The following IMMP2L variants were observed in gnomAD, a reference collection of about 807,000 sequenced individuals.
The protein encoded by IMMP2L is inner mitochondrial membrane peptidase subunit 2, also known as mitochondrial inner membrane protease subunit 2.
A neutral mutation model predicts 19.3 loss-of-function variants in IMMP2L; 18 were observed. The ratio of observed to expected loss-of-function variants is 0.93; its 90% confidence interval spans 0.64 to 1.38. The LOEUF is 1.38. IMMP2L is among the 40% of genes most tolerant of loss of function. The pLI, the probability that IMMP2L is intolerant of heterozygous loss-of-function variation, is 0.00. For synonymous variants in IMMP2L, 76 were observed against 73.0 expected (o/e 1.04, Z -0.21); for missense variants, 233 against 218.2 (o/e 1.07, Z -0.43).
At chr7:111,196,019 C>G (rs1809459179) in intron 3 of IMMP2L, among the ~76,000 whole-genome samples, 1 of 151,890 alleles carries the variant, frequency 6.6e-6, no homozygotes, top group Non-Finnish European at 1.5e-5. Context: ...GTGGGGTATG[C>G]CACCACATCC....
intron 5 of IMMP2L, among the ~76,000 whole-genome samples, chr7:110,684,611 A>G (rs1395105004): frequency 6.6e-6 from 1 of 151,892 alleles, no homozygotes; most frequent in Non-Finnish European, 1.5e-5. Context: ...ACACCTAGGG[A>G]TCATGTTAAA....
intron 3 of IMMP2L, among the ~76,000 whole-genome samples, chr7:111,261,233 C>T (rs986363750): frequency 6.6e-6 from 1 of 152,070 alleles, no homozygotes; most frequent in Non-Finnish European, 1.5e-5. Context: ...CATAGTTTAG[C>T]TCTCTGAGGT....
chr7:111,482,811 C>T (rs111409692), intron 3 of IMMP2L, among the ~76,000 whole-genome samples: 3,084 of 152,220 alleles, frequency 0.02, 106 homozygotes, highest in African/African-American at 0.07. Context: ...GTTAGTGCTT[C>T]TCTATTGAAA....
chr7:110,836,910 A>G (rs1804539285), intron 5 of IMMP2L, among the ~76,000 whole-genome samples: 1 of 152,174 alleles, frequency 6.6e-6, no homozygotes, highest in African/African-American at 2.4e-5. Context: ...TTCACTGCTG[A>G]TGGCCATGTG....
intron 3 of IMMP2L, among the ~76,000 whole-genome samples, chr7:111,353,866 A>G (rs948465944): frequency 6.6e-5 from 10 of 152,162 alleles, no homozygotes; most frequent in Admixed American, 3.9e-4. Flanking sequence ...AATAGAAAAC[A>G]CTGGTTTTAT....
intron 3 of IMMP2L, among the ~76,000 whole-genome samples, chr7:111,467,746 T>C (rs1398277511): frequency 2.0e-5 from 3 of 152,156 alleles, no homozygotes; most frequent in African/African-American, 7.2e-5. Context: ...TTCTTTCAAA[T>C]TAAGTAATTA....
At chr7:111,059,264 G>GTGA (rs1340169553) in intron 3 of IMMP2L, among the ~76,000 whole-genome samples, 3 of 152,172 alleles carry the variant, frequency 2.0e-5, no homozygotes, top group Admixed American at 1.3e-4. Context: ...TTACAGGCAT[G>GTGA]AGCCACCACG....
In IMMP2L at chr7:110,963,027, G is replaced by A. The variant is rs1238843791; in HGVS notation, c.305+473C>T. 2.0e-6 allele frequency: 3 copies of A among 1,520,466 alleles called. No individual in the cohort carries two copies. In the South Asian group the frequency reaches 3.7e-5, roughly 19 times the overall value. 94.2% of individuals were successfully genotyped at this position (1,520,466 alleles called of 1,614,324 possible). On this transcript the variant is annotated intron_variant, in intron 4 of 5. Transcript: ENST00000405709. ...GATTGTTACAATCTTATCATCTAAA[G>A]CTTTCATTCTTGTCACTGATTCGGA...
At chr7:110,929,290 T>C (rs1019715985) in intron 4 of IMMP2L, among the ~76,000 whole-genome samples, 1 of 152,160 alleles carries the variant, frequency 6.6e-6, no homozygotes, top group Non-Finnish European at 1.5e-5. Flanking sequence ...TTAATGCTCA[T>C]GAGAAGTTGC....
chr7:111,083,954 G>C (rs1796094562), intron 3 of IMMP2L, among the ~76,000 whole-genome samples: 1 of 152,108 alleles, frequency 6.6e-6, no homozygotes, highest in Admixed American at 6.6e-5. Flanking sequence ...TAAATTTGCT[G>C]TCAAGAAATA....
chr7:110,786,898 A>T (rs1443984522), intron 5 of IMMP2L, among the ~76,000 whole-genome samples: 1 of 152,052 alleles, frequency 6.6e-6, no homozygotes, highest in Non-Finnish European at 1.5e-5. Context: ...ACATAATGAA[A>T]AATAACACAG....
intron 5 of IMMP2L, among the ~76,000 whole-genome samples, chr7:110,690,965 A>G (rs1011848723): frequency 6.6e-6 from 1 of 152,162 alleles, no homozygotes; most frequent in African/African-American, 2.4e-5. Context: ...AATTAGAAAA[A>G]ACAGTCCCCA....
intron 3 of IMMP2L, among the ~76,000 whole-genome samples, chr7:111,266,284 T>C (rs1183861163): frequency 6.6e-6 from 1 of 152,148 alleles, no homozygotes. Flanking sequence ...GGCTCACACC[T>C]GTAATCCCAG....
At chr7:111,320,043 T>A (rs1177692957) in intron 3 of IMMP2L, among the ~76,000 whole-genome samples, 1 of 151,994 alleles carries the variant, frequency 6.6e-6, no homozygotes, top group Non-Finnish European at 1.5e-5. Flanking sequence ...CATCCCCACA[T>A]CAGCCTCCAT....
chr7:111,471,552 G>A (rs984373853), intron 3 of IMMP2L, among the ~76,000 whole-genome samples: 2 of 151,878 alleles, frequency 1.3e-5, no homozygotes, highest in Non-Finnish European at 2.9e-5. Context: ...ACCTTATTTC[G>A]AAAAATGTAA....
intron 3 of IMMP2L, among the ~76,000 whole-genome samples, chr7:111,173,998 T>C (rs905841894): frequency 3.6e-4 from 54 of 151,848 alleles, no homozygotes; most frequent in African/African-American, 1.2e-3. Context: ...ACCCTTCTCA[T>C]AAATGTGAGC....
At chr7:110,845,454 C>A (rs1805568452) in intron 5 of IMMP2L, among the ~76,000 whole-genome samples, 1 of 152,242 alleles carries the variant, frequency 6.6e-6, no homozygotes, top group Middle Eastern at 3.4e-3. Context: ...GCCCTATAAT[C>A]TCCTGACTGT....
intron 3 of IMMP2L, among the ~76,000 whole-genome samples, chr7:111,407,640 G>A (rs1834013096): frequency 6.6e-6 from 1 of 151,984 alleles, no homozygotes; most frequent in Admixed American, 6.6e-5. Flanking sequence ...CTGGTTGCCT[G>A]GAGGTAGGGG....
chr7:111,375,592 C>T (rs532644314), intron 3 of IMMP2L, among the ~76,000 whole-genome samples: 1 of 152,048 alleles, frequency 6.6e-6, no homozygotes, highest in Admixed American at 6.6e-5. Flanking sequence ...GTGGTGCCAA[C>T]TCAGCTCACT....
Sources: allele counts gnomAD v4.1 joint callset (sites outside exome capture counted in the v4.1 genomes callset), GRCh38; gene constraint gnomAD v4.1.1; transcripts MANE v1.5; gene names NCBI Gene and HGNC (gene_info 2026-07-23, HGNC 2026-07-21).